HEATR5A: variants seen among roughly 807,000 people sequenced by gnomAD.
The protein encoded by HEATR5A is HEAT repeat containing 5A.
In HEATR5A, 178 loss-of-function variants were observed where a neutral mutation model predicts 218.8. The ratio of observed to expected loss-of-function variants is 0.81; its 90% CI spans 0.72 to 0.92. The LOEUF (loss-of-function observed/expected upper bound fraction) is 0.92. Ranked by LOEUF, HEATR5A falls within the 40% of genes least tolerant of loss-of-function variation. The pLI, the probability that HEATR5A is intolerant of heterozygous loss-of-function variation, is 0.00. For missense variants in HEATR5A, 2,420 were observed against 2,418.9 expected (o/e 1.00, Z -0.01); for synonymous variants, 864 against 871.6 (o/e 0.99, Z 0.15).
At chr14:31,332,806 T>C (rs1227418344) in intron 22 of HEATR5A, among the ~76,000 whole-genome samples, 1 of 151,948 alleles carries the variant, frequency 6.6e-6, no homozygotes, top group African/African-American at 2.4e-5. Context: ...GCCAACATGA[T>C]GAAACCCCGT....
intron 11 of HEATR5A, among the ~76,000 whole-genome samples, chr14:31,379,242 CG>C (rs1474611137): frequency 1.4e-5 from 2 of 146,290 alleles, no homozygotes; most frequent in Non-Finnish European, 3.0e-5. Context: ...CCACTGCGCC[CG>C]AACTATTCAT....
Position 31,349,926 on chromosome 14 carries a change from G to A in HEATR5A, c.2571C>T (p.Ala857=), listed in dbSNP as rs539817367. The change falls in exon 18 of 36, where the codon GCC becomes GCT. Residue 857 remains alanine, a synonymous_variant. Transcript: ENST00000543095. ...CTAGGGCTCCCATAACTAATGTTAA[G>A]GCAAATCTTTTCATTTCTTCTGGAC... ...CLGPEEMKRF[A]LTLVMGALES... The A allele has an allele frequency of 1.5e-4, 247 of 1,608,366 alleles. 4 individuals are homozygous for A. The South Asian group carries it at 2.6e-3, about 17-fold the overall frequency.
In HEATR5A at chr14:31,293,460, T is replaced by C. The variant is rs757929996; in HGVS notation, c.5986A>G (p.Lys1996Glu). ...GCTGGAGAAGAAGCCACTAAACTTT[T>C]AAAAACAGATGAATACTGAGGTCCA... ...QIGPQYSSVF[K>E]SLVASSPALK... Residue 1996 changes from lysine (K) to glutamate (E), a missense_variant, in exon 36 of 36, where the codon AAA becomes GAA. Physicochemically the swap from Lys to Glu is moderately conservative, Grantham distance 56. Transcript: ENST00000543095. 3.7e-6 allele frequency: 6 copies of C among 1,613,962 alleles called. No homozygotes were observed. Among genetic ancestry groups the C allele is most frequent in the Non-Finnish European group, 5.1e-6 (6 of 1,179,876 alleles).
chr14:31,362,620 A>C (rs969924748), intron 14 of HEATR5A, among the ~76,000 whole-genome samples: 3 of 148,698 alleles, frequency 2.0e-5, no homozygotes, highest in Non-Finnish European at 3.0e-5. Flanking sequence ...AAAAAAAAAA[A>C]AAAAAAAAAA....
At chr14:31,366,921 T>C (rs1375584380) in intron 13 of HEATR5A, among the ~76,000 whole-genome samples, 1 of 152,196 alleles carries the variant, frequency 6.6e-6, no homozygotes, top group Non-Finnish European at 1.5e-5. Flanking sequence ...TCTCTTAATC[T>C]GATAGAGTAT....
In HEATR5A at chr14:31,307,990, C is replaced by A; in HGVS notation, c.4721G>T (p.Arg1574Leu). The A allele has an allele frequency of 1.2e-6, 2 of 1,612,896 alleles. No homozygotes were observed. The highest frequency in any genetic ancestry group is 1.1e-5 in the South Asian group (1 of 90,820). ...TATGCTTTCCATGGTTGCATCTGAACGTAAGGAACATAGAAATTCCACGCT... is the reference window on the plus strand; with the variant it reads ...TATGCTTTCCATGGTTGCATCTGAAAGTAAGGAACATAGAAATTCCACGCT... Reference protein sequence around the residue: ...GISVEFLCSLRSDATMESITA... With the variant: ...GISVEFLCSLLSDATMESITA... Residue 1574 changes from arginine (R) to leucine (L), a missense_variant, in exon 30 of 36, where the codon CGT becomes CTT. By Grantham distance (102) the Arg-to-Leu change is moderately radical. Coordinates refer to ENST00000543095, the MANE Select transcript of HEATR5A (RefSeq NM_015473.4).
chr14:31,384,364 A>G (rs2030118769), intron 9 of HEATR5A, among the ~76,000 whole-genome samples: 1 of 151,404 alleles, frequency 6.6e-6, no homozygotes, highest in South Asian at 2.1e-4. Context: ...GGATCGCTTG[A>G]GCCAGGGTGG....
At chr14:31,331,893 T>C (rs1287778371) in intron 22 of HEATR5A, among the ~76,000 whole-genome samples, 1 of 152,160 alleles carries the variant, frequency 6.6e-6, no homozygotes, top group Non-Finnish European at 1.5e-5. Context: ...GCTCCCATGA[T>C]CCAATCACCC....
intron 12 of HEATR5A, among the ~76,000 whole-genome samples, chr14:31,372,852 T>C (rs537657521): frequency 2.6e-5 from 4 of 152,050 alleles, no homozygotes; most frequent in Non-Finnish European, 4.4e-5. Flanking sequence ...AAAGTCAGAC[T>C]GATCAATTCT....
chr14:31,398,597 C>CT, intron 4 of HEATR5A, 76 bp downstream of exon 4: 1 of 740,648 alleles, frequency 1.4e-6, no homozygotes. Flanking sequence ...ATGTAAAGCT[C>CT]TTTGATTTGC....
chr14:31,378,802 A>C (rs550183124), intron 11 of HEATR5A, among the ~76,000 whole-genome samples: 2 of 129,856 alleles, frequency 1.5e-5, no homozygotes, highest in Non-Finnish European at 3.2e-5. Flanking sequence ...AAAAACAAAC[A>C]AAAAAAAAAA....
In HEATR5A at chr14:31,368,451, G is replaced by A. The variant is rs117802037; in HGVS notation, c.1961+3359C>T. Among the ~76,000 whole-genome samples, 82 of 152,220 alleles carry A rather than the reference G, an allele frequency of 5.4e-4. No homozygotes were observed. The East Asian group carries it at 7.9e-3, about 15-fold the overall frequency. On this transcript the variant is annotated intron_variant, in intron 13 of 35. Transcript: ENST00000543095. ...CTAGCTCACTCCAAATAGAAAAATC[G>A]GTTCCAGATGACTTAAATATGAAAG...
Position 31,387,306 on chromosome 14 carries a change from G to A in HEATR5A, c.1003C>T (p.His335Tyr). 6.2e-7 allele frequency: 1 copy of A among 1,613,820 alleles called. No individual in the cohort carries two copies. Among genetic ancestry groups the A allele is most frequent in the South Asian group, 1.1e-5 (1 of 91,074 alleles). The stretch of plus-strand genomic sequence containing the variant: ...GACGGTGACGCAAGGCTTAGGATAT[G>A]AGAAAAAAAGGCAGCAAAATTTTTC... ...LEKNFAAFFS[H>Y]ILSLASPSHP... Residue 335 changes from histidine to tyrosine, a missense_variant, in exon 8 of 36, where the codon CAT becomes TAT. Coordinates refer to ENST00000543095, the MANE Select transcript of HEATR5A (RefSeq NM_015473.4).
At chr14:31,335,401 C>T (rs1392660017) in intron 22 of HEATR5A, among the ~76,000 whole-genome samples, 1 of 151,514 alleles carries the variant, frequency 6.6e-6, no homozygotes, top group Non-Finnish European at 1.5e-5. Flanking sequence ...CTCAGGCTGG[C>T]CTTGAATTCC....
chr14:31,374,673 A>C (rs1902163051), intron 12 of HEATR5A, 143 bp downstream of exon 12: 4 of 681,338 alleles, frequency 5.9e-6, no homozygotes, highest in Middle Eastern at 2.8e-4. Context: ...ATCGGTTATA[A>C]TTTTTTTGTT....
In HEATR5A at chr14:31,309,017, G is replaced by T. The variant is rs764217687; in HGVS notation, c.4607C>A (p.Thr1536Asn). The stretch of plus-strand genomic sequence containing the variant: ...AGATGATGAACCCTGACACATGGAA[G>T]TTGGTGTTACAGGCCTGGAGAGATT... ...ASNLSRPVTP[T>N]SMCQGSSSGA... The change falls in exon 29 of 36, where the codon ACT (threonine) becomes AAT (asparagine). Residue 1536 changes from threonine (T) to asparagine (N), a missense_variant. Thr to Asn is a moderately conservative substitution (Grantham distance 65). Coordinates refer to ENST00000543095, the MANE Select transcript of HEATR5A (RefSeq NM_015473.4). The T allele has an allele frequency of 3.1e-6, 5 of 1,613,918 alleles. No individual in the cohort carries two copies. Among genetic ancestry groups the T allele is most frequent in the Non-Finnish European group, 4.2e-6 (5 of 1,179,822 alleles).
At chr14:31,344,248 A>T (rs1175643912) in intron 20 of HEATR5A, among the ~76,000 whole-genome samples, 183 bp from the exon 21 acceptor site, 2 of 144,954 alleles carry the variant, frequency 1.4e-5, no homozygotes, top group African/African-American at 5.0e-5. Flanking sequence ...TCTAAGTTAC[A>T]GATTGTTAGA....
In HEATR5A at chr14:31,323,741, G is replaced by A; in HGVS notation, c.3611C>T (p.Ala1204Val). The change falls in exon 24 of 36, where the codon GCC becomes GTC. Residue 1204 changes from alanine to valine, a missense_variant. Physicochemically the swap from Ala to Val is moderately conservative, Grantham distance 64. Transcript: ENST00000543095. The stretch of plus-strand genomic sequence containing the variant: ...ATCACGTCTGGTGGTCAGGACTGAG[G>A]CATCATCCCCTTTATCTCCTTCTTC... ...QEEEGDKGDD[A>V]SVLTTRRDEK... The A allele has an allele frequency of 6.2e-7, 1 of 1,611,206 alleles. No homozygotes were observed. Among genetic ancestry groups the A allele is most frequent in the South Asian group, 1.1e-5 (1 of 91,036 alleles).
At chr14:31,380,390 C>G (rs2139271629) in intron 11 of HEATR5A, 77 bp downstream of exon 11, 3 of 902,644 alleles carry the variant, frequency 3.3e-6, no homozygotes, top group Non-Finnish European at 5.2e-6. Context: ...TTCATTTCAT[C>G]AAATCACATA....
Sources: gnomAD v4.1 joint callset for allele counts (sites outside exome capture counted in the v4.1 genomes callset) on GRCh38, gnomAD v4.1.1 for gene constraint, MANE v1.5 for transcripts, NCBI Gene and HGNC (gene_info 2026-07-23, HGNC 2026-07-21) for gene names.